The following PRKN variants were observed in gnomAD, a reference collection of about 807,000 sequenced individuals.
The protein encoded by PRKN is parkin RBR E3 ubiquitin protein ligase.
PRKN carries 56 observed loss-of-function variants against 59.5 expected under a neutral mutation model. That is an observed-to-expected ratio of 0.94 (90% CI 0.76 to 1.18). The LOEUF is 1.18. Among genes scored for constraint, PRKN ranks in the 50% most tolerant of loss-of-function variants. PRKN has a pLI of 0.00. For missense variants in PRKN, 657 were observed against 596.4 expected, an observed-to-expected ratio of 1.10 and a Z score of -1.06; for synonymous variants, 250 against 222.1, an observed-to-expected ratio of 1.13 and a Z score of -1.12.
intron 7 of PRKN, among the ~76,000 whole-genome samples, chr6:161,715,091 C>T (rs958639325): frequency 1.3e-5 from 2 of 152,216 alleles, no homozygotes; most frequent in African/African-American, 4.8e-5. Context: ...CAAGCAGCTG[C>T]ACCTCCGCTC....
chr6:161,978,739 A>G (rs1781147346), intron 5 of PRKN, among the ~76,000 whole-genome samples: 1 of 152,264 alleles, frequency 6.6e-6, no homozygotes, highest in South Asian at 2.1e-4. Flanking sequence ...GCCAAGAAAC[A>G]TCTCCAGCTG....
At chr6:162,217,805 G>A (rs1386820062) in intron 3 of PRKN, among the ~76,000 whole-genome samples, 1 of 152,156 alleles carries the variant, frequency 6.6e-6, no homozygotes, top group African/African-American at 2.4e-5. Flanking sequence ...TCATGGTATT[G>A]TTAAGGCTCC....
intron 2 of PRKN, among the ~76,000 whole-genome samples, chr6:162,308,857 G>A (rs574127096): frequency 6.6e-6 from 1 of 152,080 alleles, no homozygotes; most frequent in Admixed American, 6.6e-5. Flanking sequence ...GAAAAACCGT[G>A]GGTCCTAATC....
intron 7 of PRKN, among the ~76,000 whole-genome samples, chr6:161,643,077 A>G (rs913820387): frequency 6.6e-5 from 10 of 152,344 alleles, no homozygotes; most frequent in African/African-American, 4.8e-5. Context: ...TTTCATTTTT[A>G]TAGTAATTCT....
Position 161,434,880 on chromosome 6 carries a change from C to T in PRKN, c.1084-48003G>A, listed in dbSNP as rs181574710. Among the ~76,000 whole-genome samples, 333 of 152,138 alleles carry T rather than the reference C, an allele frequency of 2.2e-3. 2 individuals are homozygous for T. The Middle Eastern group carries it at 0.031, about 14-fold the overall frequency. On this transcript the variant is annotated intron_variant, in intron 9 of 11. Transcript: ENST00000366898. ...AAACAAAAAAAGACCACAAGTTTGGCGCGGAAAAACACCAAGGGTAACGTA... is the reference window on the plus strand; with the variant it reads ...AAACAAAAAAAGACCACAAGTTTGGTGCGGAAAAACACCAAGGGTAACGTA...
At chr6:161,842,652 C>A (rs947380651) in intron 6 of PRKN, among the ~76,000 whole-genome samples, 1 of 152,056 alleles carries the variant, frequency 6.6e-6, no homozygotes, top group African/African-American at 2.4e-5. Context: ...GCAACCACCA[C>A]TTCCAGGGTT....
chr6:161,450,578 A>G (rs1364991461), intron 9 of PRKN, among the ~76,000 whole-genome samples: 1 of 150,988 alleles, frequency 6.6e-6, no homozygotes, highest in Non-Finnish European at 1.5e-5. Flanking sequence ...TTTTTTTGAG[A>G]CGGAGTCTCG....
At chr6:161,408,981 T>C (rs927952027) in intron 9 of PRKN, among the ~76,000 whole-genome samples, 3 of 152,176 alleles carry the variant, frequency 2.0e-5, no homozygotes, top group Non-Finnish European at 4.4e-5. Flanking sequence ...AGTCTCGCTC[T>C]GTTGCCCAGG....
intron 7 of PRKN, among the ~76,000 whole-genome samples, chr6:161,640,739 C>G (rs908637150): frequency 6.6e-6 from 1 of 152,128 alleles, no homozygotes; most frequent in Non-Finnish European, 1.5e-5. Flanking sequence ...GCACCAACAG[C>G]AACAGCCACA....
chr6:162,362,212 CAA>C (rs1161427025), intron 2 of PRKN, among the ~76,000 whole-genome samples: 5 of 152,112 alleles, frequency 3.3e-5, no homozygotes, highest in East Asian at 1.9e-4. Context: ...TAAATTGACT[CAA>C]GTCTTCATTT....
chr6:162,620,343 G>C (rs1019438825), intron 1 of PRKN, among the ~76,000 whole-genome samples: 8 of 152,022 alleles, frequency 5.3e-5, no homozygotes, highest in Non-Finnish European at 1.2e-4. Context: ...TCTGGTTATT[G>C]TTAATTACAT....
intron 6 of PRKN, among the ~76,000 whole-genome samples, chr6:161,878,441 G>C (rs1024800458): frequency 6.6e-6 from 1 of 152,080 alleles, no homozygotes; most frequent in East Asian, 1.9e-4. Flanking sequence ...CCACTGTCCT[G>C]ATTTTCAACA....
chr6:161,672,971 G>T (rs1398976790), intron 7 of PRKN, among the ~76,000 whole-genome samples: 1 of 152,142 alleles, frequency 6.6e-6, no homozygotes, highest in Non-Finnish European at 1.5e-5. Flanking sequence ...AATGGAACAT[G>T]CACAACCGAA....
chr6:162,060,403 A>G (rs557901346), intron 4 of PRKN, among the ~76,000 whole-genome samples: 62 of 152,354 alleles, frequency 4.1e-4, no homozygotes, highest in Non-Finnish European at 6.8e-4. Flanking sequence ...GTTACTGTCT[A>G]TAGAAAAGCG....
intron 7 of PRKN, among the ~76,000 whole-genome samples, chr6:161,594,810 A>C (rs1304397592): frequency 6.6e-6 from 1 of 152,228 alleles, no homozygotes; most frequent in Non-Finnish European, 1.5e-5. Flanking sequence ...GTAATAAAAT[A>C]ATAGTGAAGA....
At chr6:161,714,071 G>T (rs1161015127) in intron 7 of PRKN, among the ~76,000 whole-genome samples, 1 of 152,178 alleles carries the variant, frequency 6.6e-6, no homozygotes, top group African/African-American at 2.4e-5. Flanking sequence ...CCTCAGGTAT[G>T]TCTTTATTGG....
chr6:162,396,544 C>T (rs1432692348), intron 2 of PRKN, among the ~76,000 whole-genome samples: 5 of 152,074 alleles, frequency 3.3e-5, no homozygotes, highest in East Asian at 3.9e-4. Flanking sequence ...TTGTCTGTCG[C>T]GTTCACTGTT....
intron 4 of PRKN, among the ~76,000 whole-genome samples, chr6:162,167,343 G>C (rs7767766): frequency 6.6e-6 from 1 of 152,130 alleles, no homozygotes; most frequent in Non-Finnish European, 1.5e-5. Flanking sequence ...CGGCCCTGAC[G>C]TGTGCTTGTT....
At chr6:162,383,246 C>G (rs1022117266) in intron 2 of PRKN, among the ~76,000 whole-genome samples, 8 of 152,140 alleles carry the variant, frequency 5.3e-5, no homozygotes, top group Non-Finnish European at 1.0e-4. Flanking sequence ...GCATCCCTAC[C>G]TATGGCAGTT....
Sources: allele counts gnomAD v4.1 joint callset (sites outside exome capture counted in the v4.1 genomes callset), GRCh38; gene constraint gnomAD v4.1.1; transcripts MANE v1.5; gene names NCBI Gene and HGNC (gene_info 2026-07-23, HGNC 2026-07-21).